The following GFM2 variants were observed in gnomAD, a reference collection of about 807,000 sequenced individuals.
The protein encoded by GFM2 is ribosome-releasing factor 2, mitochondrial.
In GFM2, 72 loss-of-function variants were observed where a neutral mutation model predicts 95.4. That is an observed-to-expected ratio of 0.76 (90% CI 0.62 to 0.92). The LOEUF is 0.92. GFM2 is among the 40% of genes least tolerant of loss of function. The pLI, the probability that GFM2 is intolerant of heterozygous loss-of-function variation, is 0.00. For synonymous variants in GFM2, 276 were observed against 317.5 expected, an observed-to-expected ratio of 0.87 and a Z score of 1.39; for missense variants, 825 against 924.1, an observed-to-expected ratio of 0.89 and a Z score of 1.39.
Position 74,732,927 on chromosome 5 carries a change from G to GAC in GFM2, c.1587+93_1587+94dup, listed in dbSNP as rs67360841. 0.044 allele frequency: 17,511 copies of GAC among 401,762 alleles called. 291 individuals carry two copies. The highest frequency in any genetic ancestry group is 0.082 in the East Asian group (1,838 of 22,350). The allele number at this position is 401,762 out of a possible 1,614,324, so 24.9% of individuals were successfully genotyped here. ...TTCAGGACACAGACTTAATGTTTTA[G>GAC]ACACACACACACACACACACACACA... On this transcript the variant is annotated intron_variant, in intron 16 of 20. Coordinates refer to ENST00000296805, the MANE Select transcript of GFM2 (RefSeq NM_032380.5).
rs1340712318 is a variant in GFM2, at chr5:74,738,555, G to C, written c.1167C>G (p.Tyr389Ter). Residue 389 changes from tyrosine (Y) to a stop codon, truncating the protein, a stop_gained, in exon 13 of 21, where the codon TAC becomes TAG. Transcript: ENST00000296805. LOFTEE classifies it high-confidence loss of function. Reference sequence around the variant, plus strand: ...CCAACTGGGGTTTTATAGTGCCTGAGTAAATGCGCATAAAAACCAGTGGTC... The same window carrying C: ...CCAACTGGGGTTTTATAGTGCCTGACTAAATGCGCATAAAAACCAGTGGTC... ...QRGPLVFMRI[Y>*]SGTIKPQLAI... 4 of 1,613,626 alleles carry C rather than the reference G, an allele frequency of 2.5e-6. No homozygotes were observed. The highest frequency in any genetic ancestry group is 3.4e-6 in the Non-Finnish European group (4 of 1,179,704).
intron 16 of GFM2, among the ~76,000 whole-genome samples, chr5:74,731,654 TTTAAG>T (rs1388695664): frequency 6.6e-6 from 1 of 152,218 alleles, no homozygotes; most frequent in Non-Finnish European, 1.5e-5. Context: ...ACTGCTATAC[TTTAAG>T]TTAAAAAGTG....
chr5:74,767,048 G>A lies in GFM2; in HGVS notation c.-135C>T, dbSNP rs545061864. On this transcript the variant is annotated 5_prime_UTR_variant, in exon 1 of 21. Transcript: ENST00000296805. Reference sequence around the variant, plus strand: ...GCCTCAAGTCTCGACGCCAGCCTAGGCAAAAGGCAATGTATCTAAACGAAA... The same window carrying A: ...GCCTCAAGTCTCGACGCCAGCCTAGACAAAAGGCAATGTATCTAAACGAAA... 50 of 328,860 alleles carry A rather than the reference G, an allele frequency of 1.5e-4. 1 individual carries two copies. In the South Asian group the frequency reaches 2.2e-3, roughly 15 times the overall value. The allele number at this position is 328,860 out of a possible 1,614,324, so 20.4% of individuals were successfully genotyped here.
In GFM2 at chr5:74,730,301, AC is replaced by A. The variant is rs1281298023; in HGVS notation, c.1684del (p.Val562TrpfsTer8). 1 of 1,613,496 alleles carries A rather than the reference AC, an allele frequency of 6.2e-7. No individual in the cohort carries two copies. Among genetic ancestry groups the A allele is most frequent in the Admixed American group, 1.7e-5 (1 of 59,888 alleles). ...GLETYLGPLQVAYRETILNSV... is the reference protein window; with the variant it reads ...GLETYLGPLQXAYRETILNSV... ...GTTTAGGATGGTCTCTCGATATGCC[AC>A]CTGGAGAGGCCCGAGATAGGTCTCC... On this transcript the variant is annotated frameshift_variant, in exon 17 of 21. Coordinates refer to ENST00000296805, the MANE Select transcript of GFM2 (RefSeq NM_032380.5). LOFTEE classifies it high-confidence loss of function.
At position 74,736,901 on chromosome 5, in the gene GFM2, GCTT is replaced by G. The variant is rs1196058466; in HGVS notation, c.1402_1404del (p.Lys468del). On this transcript the variant is annotated inframe_deletion, in exon 15 of 21. Coordinates refer to ENST00000296805, the MANE Select transcript of GFM2 (RefSeq NM_032380.5). ...CTCTCTGCTTCATTGTTTTGTCTGT[GCTT>G]CTTTTCTCCCTCCCGTTCGGCTCTA... 1.8e-5 allele frequency: 29 copies of G among 1,613,692 alleles called. No homozygotes were observed. Among genetic ancestry groups the G allele is most frequent in the Non-Finnish European group, 2.4e-5 (28 of 1,179,806 alleles).
chr5:74,765,308 G>A (rs1744508376), intron 1 of GFM2, among the ~76,000 whole-genome samples: 1 of 152,052 alleles, frequency 6.6e-6, no homozygotes, highest in Non-Finnish European at 1.5e-5. Flanking sequence ...AGATATCAGC[G>A]TTAATGCAGT....
chr5:74,724,453 C>A lies in GFM2; in HGVS notation c.2028+1187G>T, dbSNP rs946029946. 7.1e-5 allele frequency among the ~76,000 whole-genome samples: 10 copies of A among 141,478 alleles called. No homozygotes were observed. In the East Asian group the frequency reaches 1.7e-3, roughly 23 times the overall value. The allele number at this position is 141,478 out of a possible 152,430, so 92.8% of individuals were successfully genotyped here. On this transcript the variant is annotated intron_variant, in intron 19 of 20. Transcript: ENST00000296805. ...AGGAGTTCAAGACCAGCCTGGGCAA[C>A]ATAGTGAGACCTTGTCTCTTAAAAA...
rs775381135 is a variant in GFM2 at position 74,741,433 on chromosome 5, A to G, written c.930+96T>C. The G allele has an allele frequency of 1.0e-4, 65 of 649,228 alleles. No individual in the cohort carries two copies. In the Middle Eastern group the frequency reaches 1.3e-3, roughly 13 times the overall value. The allele number at this position is 649,228 out of a possible 1,614,324, so 40.2% of individuals were successfully genotyped here. On this transcript the variant is annotated intron_variant, in intron 11 of 20. Coordinates refer to ENST00000296805, the MANE Select transcript of GFM2 (RefSeq NM_032380.5). The stretch of plus-strand genomic sequence containing the variant: ...CTTACCACTTTCTAATAATATGCAA[A>G]GTTTAAAAAAAAAATGCACACACAT...
intron 1 of GFM2, chr5:74,765,213 C>T (rs1744500606): frequency 1.4e-5 from 11 of 773,110 alleles, no homozygotes; most frequent in Non-Finnish European, 1.8e-5. Flanking sequence ...ATAATTTGCA[C>T]AACCCAGCCC....
intron 7 of GFM2, among the ~76,000 whole-genome samples, chr5:74,748,992 T>C (rs1743555138): frequency 6.7e-6 from 1 of 150,374 alleles, no homozygotes; most frequent in Non-Finnish European, 1.5e-5. Flanking sequence ...TCTTCCAAAG[T>C]AGTTGCATTA....
intron 16 of GFM2, among the ~76,000 whole-genome samples, chr5:74,731,405 A>G (rs1372759549): frequency 6.6e-6 from 1 of 152,196 alleles, no homozygotes; most frequent in Non-Finnish European, 1.5e-5. Flanking sequence ...GGTCAACTAC[A>G]TGGACAGTAT....
chr5:74,744,096 C>T (rs775719214), intron 10 of GFM2, among the ~76,000 whole-genome samples: 11 of 152,004 alleles, frequency 7.2e-5, no homozygotes, highest in Non-Finnish European at 1.6e-4. Context: ...GTCATTCTAC[C>T]AACATCATAG....
chr5:74,744,563 C>T (rs1743286188), intron 10 of GFM2, among the ~76,000 whole-genome samples: 2 of 152,180 alleles, frequency 1.3e-5, no homozygotes, highest in South Asian at 4.1e-4. Context: ...CAAATATTAA[C>T]AATCTTGCTA....
At position 74,733,108 on chromosome 5, in the gene GFM2, A is replaced by G; in HGVS notation, c.1511-10T>C. 6.3e-7 allele frequency: 1 copy of G among 1,584,326 alleles called. No homozygotes were observed. ...AACGCATGTTCCAAATCTATGGGAT[A>G]AACAACTGTTATCTTTACATTTCAT... On this transcript the variant is annotated splice_polypyrimidine_tract_variant and intron_variant, in intron 15 of 20. Transcript: ENST00000296805.
In GFM2 at chr5:74,746,150, A is replaced by T; in HGVS notation, c.624T>A (p.Val208=). ...CCTTTAACTTCTCTCTGATGCTTTCAACTGCATACTTAAAGCTGTAGAAAG... is the reference window on the plus strand; with the variant it reads ...CCTTTAACTTCTCTCTGATGCTTTCTACTGCATACTTAAAGCTGTAGAAAG... ...DKTGASFKYA[V]ESIREKLKAK... is the part of the protein sequence containing the mutation. The change falls in exon 9 of 21, where the codon GTT becomes GTA. Residue 208 remains valine (V), a synonymous_variant. Transcript: ENST00000296805. 6.5e-7 allele frequency: 1 copy of T among 1,533,684 alleles called. No individual in the cohort carries two copies. Among genetic ancestry groups the T allele is most frequent in the East Asian group, 2.3e-5 (1 of 43,550 alleles).
chr5:74,735,490 G>C (rs565991940), intron 15 of GFM2, among the ~76,000 whole-genome samples: 1 of 152,304 alleles, frequency 6.6e-6, no homozygotes, highest in East Asian at 1.9e-4. Context: ...TCAAAGGAAA[G>C]AGGGCTTCTA....
intron 7 of GFM2, among the ~76,000 whole-genome samples, chr5:74,750,212 T>C (rs1743622837): frequency 6.6e-6 from 1 of 152,106 alleles, no homozygotes; most frequent in Admixed American, 6.6e-5. Context: ...AACAGAAAAA[T>C]GGAACTATTA....
At position 74,747,736 on chromosome 5, in the gene GFM2, T is replaced by C. The variant is rs576970255; in HGVS notation, c.564A>G (p.Ile188Met). The C allele has an allele frequency of 4.5e-5, 72 of 1,612,528 alleles. No individual in the cohort carries two copies. In the African/African-American group the frequency reaches 8.7e-4, roughly 19 times the overall value. ...TCTTGTTTAAAAAACAGATTCGAGGTATATTGTGTTTATCAGCTTGCCTCC... is the reference window on the plus strand; with the variant it reads ...TCTTGTTTAAAAAACAGATTCGAGGCATATTGTGTTTATCAGCTTGCCTCC... Reference protein sequence around the residue: ...TVWRQADKHNIPRICFLNKMD... With the variant: ...TVWRQADKHNMPRICFLNKMD... Residue 188 changes from isoleucine to methionine, a missense_variant, in exon 8 of 21, where the codon ATA becomes ATG. By Grantham distance (10) the Ile-to-Met change is conservative. Transcript: ENST00000296805.
At chr5:74,745,882 T>C (rs371555085) in intron 9 of GFM2, 25 bp from the exon 10 acceptor site, 49 of 1,566,268 alleles carry the variant, frequency 3.1e-5, no homozygotes, top group Non-Finnish European at 4.1e-5. Context: ...GAGATTAACA[T>C]TATTACATGA....
Sources: gnomAD v4.1 joint callset for allele counts (sites outside exome capture counted in the v4.1 genomes callset) on GRCh38, gnomAD v4.1.1 for gene constraint, MANE v1.5 for transcripts, NCBI Gene and HGNC (gene_info 2026-07-23, HGNC 2026-07-21) for gene names.